Variants in COLGALT1 observed in about 807,000 individuals in gnomAD.
The protein encoded by COLGALT1 is procollagen galactosyltransferase 1.
In COLGALT1, 43 loss-of-function variants were observed where a neutral mutation model predicts 60.8. That is an observed-to-expected ratio of 0.71 (90% CI 0.55 to 0.91). The LOEUF is 0.91. Ranked by LOEUF, COLGALT1 falls within the 40% of genes least tolerant of loss-of-function variation. The pLI is 0.00. For missense variants in COLGALT1, 845 were observed against 880.0 expected (o/e 0.96, Z 0.50); for synonymous variants, 369 against 374.2 (o/e 0.99, Z 0.16).
intron 3 of COLGALT1, among the ~76,000 whole-genome samples, chr19:17,562,330 G>A (rs1380534602): frequency 6.6e-6 from 1 of 152,184 alleles, no homozygotes; most frequent in Non-Finnish European, 1.5e-5. Context: ...TGGAGGGTGT[G>A]TGAGCAGGGG....
chr19:17,571,584 G>C (rs1878180737), intron 5 of COLGALT1, among the ~76,000 whole-genome samples: 1 of 151,944 alleles, frequency 6.6e-6, no homozygotes, highest in Non-Finnish European at 1.5e-5. Context: ...TGGGTGTGGT[G>C]GCGGGTGCCT....
At chr19:17,562,644 A>C (rs1453659585) in intron 3 of COLGALT1, among the ~76,000 whole-genome samples, 2 of 150,092 alleles carry the variant, frequency 1.3e-5, no homozygotes, top group Non-Finnish European at 3.0e-5. Flanking sequence ...CCTGGGCGAC[A>C]GAGTGAGACT....
chr19:17,580,936 G>A, intron 11 of COLGALT1, 31 bp downstream of exon 11: 3 of 1,610,946 alleles, frequency 1.9e-6, no homozygotes, highest in Non-Finnish European at 2.5e-6. Flanking sequence ...CTGGGCTGGG[G>A]TTTCACGGTG....
At chr19:17,570,919 T>TGA (rs2076308930) in intron 5 of COLGALT1, among the ~76,000 whole-genome samples, 1 of 152,118 alleles carries the variant, frequency 6.6e-6, no homozygotes, top group Admixed American at 6.6e-5. Context: ...AAGAATATTG[T>TGA]GACACATGAA....
rs751854922 is a variant in COLGALT1 at position 17,568,496 on chromosome 19, T to G, written c.625-13T>G. The G allele has an allele frequency of 3.1e-6, 5 of 1,611,880 alleles. No homozygotes were observed. In the South Asian group the frequency reaches 4.4e-5, roughly 14 times the overall value. On this transcript the variant is annotated splice_polypyrimidine_tract_variant and intron_variant, in intron 4 of 11. Coordinates refer to ENST00000252599, the MANE Select transcript of COLGALT1 (RefSeq NM_024656.4). ...CAAGACCCCTACGCGGAACTCTCGC[T>G]CTCTCCCCACAGGGCTACTACAAGC... is the stretch of plus-strand genomic sequence containing the variant.
At position 17,577,182 on chromosome 19, in the gene COLGALT1, CTG is replaced by C. The variant is rs777664811; in HGVS notation, c.950-10_950-9del. ...CCTTACCCCAGCGACTCCTCAACGTCTGTGCCCCACAGTGAAGCACCCGCCCG... is the reference window on the plus strand; with the variant it reads ...CCTTACCCCAGCGACTCCTCAACGTCTGCCCCACAGTGAAGCACCCGCCCG... On this transcript the variant is annotated splice_polypyrimidine_tract_variant and intron_variant, in intron 6 of 11. Coordinates refer to ENST00000252599, the MANE Select transcript of COLGALT1 (RefSeq NM_024656.4). 1.8e-5 allele frequency: 29 copies of C among 1,612,808 alleles called. No individual in the cohort carries two copies. In the African/African-American group the frequency reaches 3.2e-4, roughly 18 times the overall value.
chr19:17,564,088 A>AC (rs1345247167), intron 3 of COLGALT1, among the ~76,000 whole-genome samples: 5 of 148,374 alleles, frequency 3.4e-5, no homozygotes, highest in African/African-American at 7.4e-5. Context: ...AAAACTAACA[A>AC]AAAAAAAAAA....
intron 5 of COLGALT1, among the ~76,000 whole-genome samples, chr19:17,570,409 G>GA (rs941209349): frequency 2.2e-4 from 33 of 147,202 alleles, no homozygotes; most frequent in East Asian, 1.2e-3. Flanking sequence ...CCAGCTAATT[G>GA]AAAAAAAAAA....
chr19:17,577,908 T>C (rs1284684181), intron 8 of COLGALT1, 49 bp from the exon 9 acceptor site: 1 of 1,566,264 alleles, frequency 6.4e-7, no homozygotes, highest in Non-Finnish European at 8.7e-7. Context: ...GATGGCAGAA[T>C]GGCAGGCAGG....
Position 17,577,387 on chromosome 19 carries a change from G to T in COLGALT1, c.1053G>T (p.Arg351=), listed in dbSNP as rs200218459. The T allele has an allele frequency of 2.5e-6, 4 of 1,592,994 alleles. No homozygotes were observed. The highest frequency in any genetic ancestry group is 3.4e-6 in the Non-Finnish European group (4 of 1,172,646). ...DEVFMINLRR[R]QDRRERMLRA... ...TCTTCATGATCAACCTGAGGCGGCG[G>T]CAGGACCGGCGGGAGCGCATGCTGC... The change falls in exon 8 of 12, where the codon CGG becomes CGT. Residue 351 remains arginine (R), a synonymous_variant. Transcript: ENST00000252599.
In COLGALT1 at chr19:17,572,527, C is replaced by A. The variant is rs149400191; in HGVS notation, c.874C>A (p.Pro292Thr). The A allele has an allele frequency of 1.2e-6, 2 of 1,614,160 alleles. No homozygotes were observed. Among genetic ancestry groups the A allele is most frequent in the Non-Finnish European group, 1.7e-6 (2 of 1,180,032 alleles). The change falls in exon 6 of 12, where the codon CCA becomes ACA. Residue 292 changes from proline (P) to threonine (T), a missense_variant. Physicochemically the swap from Pro to Thr is conservative, Grantham distance 38 (BLOSUM62 -1). Transcript: ENST00000252599. ...CAACAAGGAGGAGTACGGATTCTTG[C>A]CAGTGCCATTGCGCGCCCACAGCAC... Reference protein sequence around the residue: ...VCNKEEYGFLPVPLRAHSTLQ... With the variant: ...VCNKEEYGFLTVPLRAHSTLQ...
At chr19:17,558,295 A>C (rs62119888) in intron 1 of COLGALT1, among the ~76,000 whole-genome samples, 1 of 147,880 alleles carries the variant, frequency 6.8e-6, no homozygotes, top group South Asian at 2.2e-4. Context: ...GGCTGGTCTC[A>C]AACTCCTGAC....
intron 9 of COLGALT1, among the ~76,000 whole-genome samples, chr19:17,578,989 G>A (rs2076361695): frequency 1.3e-5 from 2 of 151,860 alleles, no homozygotes; most frequent in Admixed American, 6.6e-5. Flanking sequence ...CAGCCTGGGC[G>A]ACAAGAGTGA....
intron 3 of COLGALT1, 36 bp downstream of exon 3, chr19:17,560,501 C>G: frequency 6.5e-7 from 1 of 1,550,240 alleles, no homozygotes; most frequent in Non-Finnish European, 8.9e-7. Flanking sequence ...GGATCACAGG[C>G]AGGTCTGGGT....
chr19:17,581,564 G>C lies in COLGALT1; in HGVS notation c.*120G>C. ...CCACAGAGGGCTCTCGTGTGGGGTGGTGTCCAGCCAGCTCTTGCTAAGCAA... is the reference window on the plus strand; with the variant it reads ...CCACAGAGGGCTCTCGTGTGGGGTGCTGTCCAGCCAGCTCTTGCTAAGCAA... On this transcript the variant is annotated 3_prime_UTR_variant, in exon 12 of 12. Coordinates refer to ENST00000252599, the MANE Select transcript of COLGALT1 (RefSeq NM_024656.4). The C allele has an allele frequency of 7.6e-7, 1 of 1,319,394 alleles. No individual in the cohort carries two copies. 81.7% of individuals were successfully genotyped at this position (1,319,394 alleles called of 1,614,324 possible).
intron 5 of COLGALT1, among the ~76,000 whole-genome samples, chr19:17,570,824 C>G (rs535186651): frequency 6.6e-6 from 1 of 152,194 alleles, no homozygotes; most frequent in Admixed American, 6.5e-5. Context: ...CTCAGCCTCA[C>G]AAAATGCTGG....
chr19:17,576,470 TG>T (rs1215008845), intron 6 of COLGALT1, among the ~76,000 whole-genome samples: 5 of 120,074 alleles, frequency 4.2e-5, no homozygotes, highest in South Asian at 2.6e-4. Flanking sequence ...GAGGTGGGGC[TG>T]GGGGGTAGAG....
At position 17,559,293 on chromosome 19, in the gene COLGALT1, T is replaced by C. The variant is rs1366102539; in HGVS notation, c.261-18T>C. 8.4e-6 allele frequency: 13 copies of C among 1,542,566 alleles called. No homozygotes were observed. The highest frequency in any genetic ancestry group is 1.1e-5 in the Non-Finnish European group (13 of 1,138,796). On this transcript the variant is annotated intron_variant, in intron 1 of 11. Coordinates refer to ENST00000252599, the MANE Select transcript of COLGALT1 (RefSeq NM_024656.4). ...CCTCAGTCTCCCCAAGTACGCTGCC[T>C]GTCCCCTCTCCCTGCAGGGTGGCTA...
chr19:17,557,046 C>G (rs896641744), intron 1 of COLGALT1, among the ~76,000 whole-genome samples: 2 of 152,200 alleles, frequency 1.3e-5, no homozygotes, highest in Admixed American at 1.3e-4. Flanking sequence ...ATTTTATTAT[C>G]ATGATTACTG....
Sources: allele counts gnomAD v4.1 joint callset (sites outside exome capture counted in the v4.1 genomes callset), GRCh38; gene constraint gnomAD v4.1.1; transcripts MANE v1.5; gene names NCBI Gene and HGNC (gene_info 2026-07-23, HGNC 2026-07-21).